Variants in GRM4 observed in about 807,000 individuals in gnomAD.
GRM4 encodes the protein metabotropic glutamate receptor 4.
Under a neutral mutation model 81.7 loss-of-function variants are expected in GRM4, and 28 were observed. The observed-to-expected ratio is 0.34, with a 90% CI of 0.25 to 0.47. GRM4 has a LOEUF of 0.47. Ranked by LOEUF, GRM4 falls within the 20% of genes least tolerant of loss-of-function variation. The pLI is 1.00. For synonymous variants in GRM4, 488 were observed against 528.8 expected, an observed-to-expected ratio of 0.92 and a Z score of 1.06; for missense variants, 948 against 1,290.0, an observed-to-expected ratio of 0.73 and a Z score of 4.06.
At chr6:34,131,911 C>T (rs1253579974) in intron 2 of GRM4, among the ~76,000 whole-genome samples, 1 of 152,108 alleles carries the variant, frequency 6.6e-6, no homozygotes, top group Non-Finnish European at 1.5e-5. Context: ...GTCCCTTCCT[C>T]TTCCCTCTCC....
At chr6:34,082,031 C>G (rs1767624496) in intron 3 of GRM4, among the ~76,000 whole-genome samples, 2 of 151,130 alleles carry the variant, frequency 1.3e-5, no homozygotes, top group Admixed American at 1.3e-4. Flanking sequence ...CCAATGGGAG[C>G]CTGCGGGACA....
intron 2 of GRM4, among the ~76,000 whole-genome samples, chr6:34,099,056 A>C (rs1293626721): frequency 6.6e-6 from 1 of 152,202 alleles, no homozygotes; most frequent in Non-Finnish European, 1.5e-5. Flanking sequence ...TAACACTCAG[A>C]TAACCAGCCT....
At chr6:34,066,289 C>G (rs1176170172) in intron 3 of GRM4, among the ~76,000 whole-genome samples, 2 of 152,048 alleles carry the variant, frequency 1.3e-5, no homozygotes, top group African/African-American at 4.8e-5. Flanking sequence ...ATGGAAACAA[C>G]CTAAATGTTT....
chr6:34,135,921 C>A (rs1264322434), intron 1 of GRM4, among the ~76,000 whole-genome samples: 1 of 152,134 alleles, frequency 6.6e-6, no homozygotes, highest in Non-Finnish European at 1.5e-5. Context: ...GCCATACTGC[C>A]CCTGCTGACA....
At chr6:34,029,135 G>A (rs189205046) in intron 9 of GRM4, among the ~76,000 whole-genome samples, 321 of 152,244 alleles carry the variant, frequency 2.1e-3, no homozygotes, top group African/African-American at 7.2e-3. Context: ...CCCTTCCTTC[G>A]GGTCCTCCAG....
rs1415019190 is a variant in GRM4, at chr6:34,059,204, T to G, written c.873-76A>C. 19 of 1,365,086 alleles carry G rather than the reference T, an allele frequency of 1.4e-5. No homozygotes were observed. Among genetic ancestry groups the G allele is most frequent in the Middle Eastern group, 3.6e-4 (2 of 5,582 alleles). 84.6% of individuals were successfully genotyped at this position (1,365,086 alleles called of 1,614,324 possible). A position where few individuals can be genotyped will look rare whatever the true frequency, so the allele number is the denominator to read the frequency against. ...CCCCCACTCCTGGCCACACTTGCTT[T>G]GGGCCCACGTCCCTCACCCCCAGAA... is the stretch of plus-strand genomic sequence containing the variant. On this transcript the variant is annotated intron_variant, in intron 4 of 10. Coordinates refer to ENST00000538487, the MANE Select transcript of GRM4 (RefSeq NM_000841.4). This position sits in a 1 kb window ranked among gnomAD's most constrained non-coding sequence, Gnocchi z 5.7.
At position 34,070,889 on chromosome 6, in the gene GRM4, A is replaced by T. The variant is rs1766790959; in HGVS notation, c.737-8861T>A. 6.6e-6 allele frequency among the ~76,000 whole-genome samples: 1 copy of T among 150,804 alleles called. No homozygotes were observed. The highest frequency in any genetic ancestry group is 2.5e-5 in the African/African-American group (1 of 40,668). On this transcript the variant is annotated intron_variant, in intron 3 of 10. Coordinates refer to ENST00000538487, the MANE Select transcript of GRM4 (RefSeq NM_000841.4). This position sits in a 1 kb window ranked among gnomAD's most constrained non-coding sequence, Gnocchi z 4.6. The stretch of plus-strand genomic sequence containing the variant: ...AGCTCACAAAGTTTCACGGTCACAC[A>T]CGCTCACCAGGGACACAGCTCCCAT...
chr6:34,110,250 C>A (rs755878137), intron 2 of GRM4, among the ~76,000 whole-genome samples: 20 of 149,506 alleles, frequency 1.3e-4, no homozygotes, highest in Non-Finnish European at 3.0e-4. Context: ...GCCATGGTTG[C>A]GCTACTGCAC....
intron 2 of GRM4, among the ~76,000 whole-genome samples, chr6:34,119,680 C>G (rs574725517): frequency 6.6e-6 from 1 of 152,174 alleles, no homozygotes; most frequent in Non-Finnish European, 1.5e-5. Flanking sequence ...GCAGTTCTGT[C>G]GGAGCCTAGA....
intron 6 of GRM4, among the ~76,000 whole-genome samples, chr6:34,052,298 C>T (rs1016873720): frequency 1.3e-5 from 2 of 152,242 alleles, no homozygotes; most frequent in Non-Finnish European, 2.9e-5. Flanking sequence ...CTTGATCTCA[C>T]ACCCTTCATC....
rs955145281 is a variant in GRM4, at chr6:34,036,943, C to T, written c.1507-340G>A. 6.6e-6 allele frequency among the ~76,000 whole-genome samples: 1 copy of T among 152,208 alleles called. No individual in the cohort carries two copies. The highest frequency in any genetic ancestry group is 2.4e-5 in the African/African-American group (1 of 41,454). On this transcript the variant is annotated intron_variant, in intron 8 of 10. Transcript: ENST00000538487. This position sits in a 1 kb window ranked among gnomAD's most constrained non-coding sequence, Gnocchi z 9.0. ...CAAAGAGAACTCAAGAGTCCTGACT[C>T]TTAGCCCCTAAGGCCTTGCTGCTCA...
At chr6:34,086,090 C>A (rs1341696128) in intron 3 of GRM4, among the ~76,000 whole-genome samples, 9 of 152,242 alleles carry the variant, frequency 5.9e-5, no homozygotes. Flanking sequence ...GGAACAGGCA[C>A]CCTTAATGTG....
intron 2 of GRM4, among the ~76,000 whole-genome samples, chr6:34,129,629 C>T (rs1401283854): frequency 3.3e-5 from 5 of 152,166 alleles, no homozygotes; most frequent in Admixed American, 1.3e-4. Context: ...CCTTCTGGTC[C>T]GCAACAGAGG....
At chr6:34,071,885 GCA>G (rs1479903885) in intron 3 of GRM4, among the ~76,000 whole-genome samples, 4 of 1,484 alleles carry the variant, frequency 2.7e-3, no homozygotes, top group Admixed American at 7.2e-3. Context: ...CAGCTACACA[GCA>G]CACACAGACA....
At chr6:34,075,221 G>A (rs1376053213) in intron 3 of GRM4, among the ~76,000 whole-genome samples, 3 of 152,184 alleles carry the variant, frequency 2.0e-5, no homozygotes. Flanking sequence ...GATACTGGAG[G>A]AGCCACTCAC....
chr6:34,022,567 G>A lies in GRM4; in HGVS notation c.*254C>T. The stretch of plus-strand genomic sequence containing the variant: ...CTGAGCCCCTGTGGTTTGGGGCCGG[G>A]AGGGGCAATGGTCCAAGACGCAGGT... On this transcript the variant is annotated 3_prime_UTR_variant, in exon 11 of 11. Coordinates refer to ENST00000538487, the MANE Select transcript of GRM4 (RefSeq NM_000841.4). The surrounding 1 kb of genome is among the most constrained non-coding windows in gnomAD (Gnocchi z 5.6). The A allele has an allele frequency of 1.8e-6, 1 of 550,548 alleles. No homozygotes were observed. Among genetic ancestry groups the A allele is most frequent in the Non-Finnish European group, 3.3e-6 (1 of 305,800 alleles). The allele number at this position is 550,548 out of a possible 1,614,324, so 34.1% of individuals were successfully genotyped here. A position where few individuals can be genotyped will look rare whatever the true frequency, so the allele number is the denominator to read the frequency against.
chr6:34,075,747 G>A (rs1767278493), intron 3 of GRM4, among the ~76,000 whole-genome samples: 1 of 152,332 alleles, frequency 6.6e-6, no homozygotes, highest in South Asian at 2.1e-4. Context: ...ACAGTTCCTG[G>A]CACATTAGTG....
At chr6:34,083,627 G>T (rs1227099943) in intron 3 of GRM4, among the ~76,000 whole-genome samples, 1 of 152,184 alleles carries the variant, frequency 6.6e-6, no homozygotes, top group Non-Finnish European at 1.5e-5. Flanking sequence ...CTGGCTGCAG[G>T]GTGGGGCCCA....
In GRM4 at chr6:34,043,785, G is replaced by C. The variant is rs376272950; in HGVS notation, c.1169-3037C>G. Among the ~76,000 whole-genome samples, 24 of 152,270 alleles carry C rather than the reference G, an allele frequency of 1.6e-4. No homozygotes were observed. The Middle Eastern group carries it at 0.01, about 65-fold the overall frequency. ...ATGCTAGTGTGGATATCCCGCAGGA[G>C]CCCCCTCACCAGGGTAACCTGCCTC... On this transcript the variant is annotated intron_variant, in intron 6 of 10. Coordinates refer to ENST00000538487, the MANE Select transcript of GRM4 (RefSeq NM_000841.4).
Sources: allele counts gnomAD v4.1 joint callset (sites outside exome capture counted in the v4.1 genomes callset), GRCh38; gene constraint gnomAD v4.1.1; non-coding constraint Gnocchi (gnomAD v3.1); transcripts MANE v1.5; gene names NCBI Gene and HGNC (gene_info 2026-07-23, HGNC 2026-07-21).